Variants in RAET1G observed in about 807,000 individuals in gnomAD.
The protein encoded by RAET1G is retinoic acid early transcript 1G, also known as UL-16 binding protein 5.
RAET1G carries 25 observed loss-of-function variants against 29.5 expected under a neutral mutation model. The ratio of observed to expected loss-of-function variants is 0.85; its 90% CI spans 0.62 to 1.18. The LOEUF (loss-of-function observed/expected upper bound fraction) is 1.18. Ranked by LOEUF, RAET1G falls within the 50% of genes most tolerant of loss-of-function variation. RAET1G has a pLI of 0.00. For synonymous variants in RAET1G, 167 were observed against 159.5 expected (o/e 1.05, Z -0.36); for missense variants, 434 against 423.6 (o/e 1.02, Z -0.22).
Position 149,918,817 on chromosome 6 carries a change from G to A in RAET1G, c.631+226C>T, listed in dbSNP as rs533301050. 7.5e-5 allele frequency: 51 copies of A among 680,652 alleles called. No homozygotes were observed. In the African/African-American group the frequency reaches 9.2e-4, roughly 12 times the overall value. The allele number at this position is 680,652 out of a possible 1,614,324, so 42.2% of individuals were successfully genotyped here. On this transcript the variant is annotated intron_variant, in intron 3 of 4. Transcript: ENST00000367360. Reference sequence around the variant, plus strand: ...GAGGCTGGTGAGAAATCCACAGTGTGGGGAACAGAAGCAAGTGCAGTGAGG... The same window carrying A: ...GAGGCTGGTGAGAAATCCACAGTGTAGGGAACAGAAGCAAGTGCAGTGAGG...
chr6:149,917,828 C>T (rs1778483704), intron 4 of RAET1G, among the ~76,000 whole-genome samples: 1 of 152,150 alleles, frequency 6.6e-6, no homozygotes, highest in South Asian at 2.1e-4. Context: ...AAGAGGACTG[C>T]CCATGTCTGA....
intron 1 of RAET1G, among the ~76,000 whole-genome samples, chr6:149,920,023 T>C (rs1229312121): frequency 6.6e-6 from 1 of 152,168 alleles, no homozygotes; most frequent in African/African-American, 2.4e-5. Context: ...CCCTGCCTGC[T>C]GAGAAACCAC....
In RAET1G at chr6:149,919,146, C is replaced by T. The variant is rs200416121; in HGVS notation, c.528G>A (p.Lys176=). 3.1e-6 allele frequency: 5 copies of T among 1,614,230 alleles called. No individual in the cohort carries two copies. Among genetic ancestry groups the T allele is most frequent in the East Asian group, 4.5e-5 (2 of 44,884 alleles). The change falls in exon 3 of 5, where the codon AAG becomes AAA. Residue 176 remains lysine, a synonymous_variant. Transcript: ENST00000367360. The part of the protein sequence containing the change: ...RKMKEKWEND[K]DMTMSFHYIS... Reference sequence around the variant, plus strand: ...TGTAATGGAAGGACATGGTCATATCCTTGTCATTCTCCCACTTTTCTTTCA... The same window carrying T: ...TGTAATGGAAGGACATGGTCATATCTTTGTCATTCTCCCACTTTTCTTTCA...
chr6:149,922,876 G>GC, intron 1 of RAET1G, 50 bp downstream of exon 1: 4 of 1,357,776 alleles, frequency 2.9e-6, no homozygotes, highest in Non-Finnish European at 4.1e-6. Context: ...ACAGTCCACA[G>GC]CCCCCCACGG....
chr6:149,920,446 T>C (rs1308351746), intron 1 of RAET1G, among the ~76,000 whole-genome samples: 2 of 152,032 alleles, frequency 1.3e-5, no homozygotes, highest in Non-Finnish European at 2.9e-5. Flanking sequence ...GTGCCCAGGC[T>C]GGAGGGGTCT....
At position 149,923,080 on chromosome 6, in the gene RAET1G, T is replaced by C. The variant is rs1778634852; in HGVS notation, c.-70A>G. ...GTGGATCACCTGGCGGCTCGCAGGC[T>C]GTCTGAATGCAGCCCGTCTGAATGC... is the stretch of plus-strand genomic sequence containing the variant. On this transcript the variant is annotated 5_prime_UTR_variant, in exon 1 of 5. Transcript: ENST00000367360. 4.7e-6 allele frequency: 5 copies of C among 1,066,504 alleles called. No homozygotes were observed. Among genetic ancestry groups the C allele is most frequent in the Admixed American group, 2.2e-5 (1 of 45,406 alleles). 66.1% of individuals were successfully genotyped at this position (1,066,504 alleles called of 1,614,324 possible).
intron 3 of RAET1G, chr6:149,918,677 C>T (rs1211742159): frequency 6.7e-6 from 4 of 595,590 alleles, no homozygotes; most frequent in African/African-American, 1.9e-5. Context: ...ACGAGGCTGG[C>T]CTTGGAGGAG....
intron 1 of RAET1G, among the ~76,000 whole-genome samples, chr6:149,920,043 G>C (rs1397827542): frequency 1.3e-5 from 2 of 152,228 alleles, no homozygotes; most frequent in African/African-American, 4.8e-5. Context: ...CATGTCCCCA[G>C]ACATGTCCCA....
chr6:149,919,185 A>G lies in RAET1G; in HGVS notation c.489T>C (p.Pro163=), dbSNP rs1778531626. The change falls in exon 3 of 5, where the codon CCT becomes CCC. Residue 163 remains proline (P), a synonymous_variant. Transcript: ENST00000367360. ...ACTTTTCTTTCATCTTTCTGGCTCC[A>G]GGATGAACCGTTGTCCACATTCTGT... is the stretch of plus-strand genomic sequence containing the variant. ...SENRMWTTVH[P]GARKMKEKWE... is the part of the protein sequence containing the mutation. 3.7e-6 allele frequency: 6 copies of G among 1,614,118 alleles called. No individual in the cohort carries two copies. In the African/African-American group the frequency reaches 5.3e-5, roughly 14 times the overall value.
At chr6:149,918,058 T>C in intron 4 of RAET1G, 116 bp downstream of exon 4, 1 of 906,092 alleles carries the variant, frequency 1.1e-6, no homozygotes, top group Non-Finnish European at 1.7e-6. Flanking sequence ...TTCACCTGTC[T>C]CATGTTAGGA....
At position 149,919,327 on chromosome 6, in the gene RAET1G, G is replaced by A. The variant is rs916956109; in HGVS notation, c.350-3C>T. 1 of 1,612,268 alleles carries A rather than the reference G, an allele frequency of 6.2e-7. No homozygotes were observed. The highest frequency in any genetic ancestry group is 2.2e-5 in the East Asian group (1 of 44,860). ...CCTGGCCTGCAGGGTGAGGGGTTCTGCCCCCATCAAAGAGAGATCAGCTCT... is the reference window on the plus strand; with the variant it reads ...CCTGGCCTGCAGGGTGAGGGGTTCTACCCCCATCAAAGAGAGATCAGCTCT... On this transcript the variant is annotated splice_polypyrimidine_tract_variant and splice_region_variant and intron_variant, in intron 2 of 4. Transcript: ENST00000367360.
chr6:149,918,442 C>G, intron 3 of RAET1G, 58 bp from the exon 4 acceptor site: 11 of 1,532,630 alleles, frequency 7.2e-6, no homozygotes, highest in Non-Finnish European at 9.0e-6. Context: ...TGAGGAGATG[C>G]CTCCTCAGCT....
Position 149,918,205 on chromosome 6 carries a change from A to G in RAET1G, c.811T>C (p.Trp271Arg). Reference sequence around the variant, plus strand: ...CTCCAAAGGACTCTCCTCAGCAGCCAGGTAGGATGAAGCAGGGGAGGATGA... The same window carrying G: ...CTCCAAAGGACTCTCCTCAGCAGCCGGGTAGGATGAAGCAGGGGAGGATGA... ...PPHPPLLHPT[W>R]LLRRVLWSDS... The change falls in exon 4 of 5, where the codon TGG becomes CGG. Residue 271 changes from tryptophan to arginine, a missense_variant. Transcript: ENST00000367360. The G allele has an allele frequency of 6.2e-7, 1 of 1,614,112 alleles. No homozygotes were observed. Among genetic ancestry groups the G allele is most frequent in the Non-Finnish European group, 8.5e-7 (1 of 1,180,006 alleles).
chr6:149,920,442 A>G (rs1300206522), intron 1 of RAET1G, among the ~76,000 whole-genome samples: 6 of 152,120 alleles, frequency 3.9e-5, no homozygotes, highest in African/African-American at 1.4e-4. Context: ...AGAAGTGCCC[A>G]GGCTGGAGGG....
rs1299311547 is a variant in RAET1G at position 149,919,684 on chromosome 6, G to A, written c.218C>T (p.Pro73Leu). 1 of 1,613,854 alleles carries A rather than the reference G, an allele frequency of 6.2e-7. No homozygotes were observed. The highest frequency in any genetic ancestry group is 8.5e-7 in the Non-Finnish European group (1 of 1,179,884). Residue 73 changes from proline (P) to leucine (L), a missense_variant, in exon 2 of 5, where the codon CCC (proline) becomes CTC (leucine). Coordinates refer to ENST00000367360, the MANE Select transcript of RAET1G (RefSeq NM_001001788.4). ...TAGTTTCTTCCCCAGGGGACTGACG[G>A]GTGTGACTGTCTTGCTGCCACAGTC... ...HYDCGSKTVT[P>L]VSPLGKKLNV...
intron 4 of RAET1G, among the ~76,000 whole-genome samples, chr6:149,917,695 T>C (rs1582797066): frequency 6.6e-6 from 1 of 152,216 alleles, no homozygotes; most frequent in Non-Finnish European, 1.5e-5. Context: ...GTGCCTTCAG[T>C]CTCTTGCCTT....
chr6:149,922,128 G>A (rs1453887060), intron 1 of RAET1G, among the ~76,000 whole-genome samples: 1 of 152,232 alleles, frequency 6.6e-6, no homozygotes, highest in East Asian at 1.9e-4. Flanking sequence ...GCAGAAGTGG[G>A]TGCCTCTACT....
rs1267239255 is a variant in RAET1G at position 149,916,880 on chromosome 6, C to A, written c.*32G>T. The stretch of plus-strand genomic sequence containing the variant: ...GAAATAAAGACACAAGACAAAGAGA[C>A]GGAAGAAAAGACAGCTGGGCCCAGG... On this transcript the variant is annotated 3_prime_UTR_variant, in exon 5 of 5. Transcript: ENST00000367360. The A allele has an allele frequency of 1.1e-4, 166 of 1,466,332 alleles. No individual in the cohort carries two copies. The highest frequency in any genetic ancestry group is 1.5e-4 in the Non-Finnish European group (162 of 1,106,216). 90.8% of individuals were successfully genotyped at this position (1,466,332 alleles called of 1,614,324 possible). A position where few individuals can be genotyped will look rare whatever the true frequency, so the allele number is the denominator to read the frequency against.
intron 3 of RAET1G, chr6:149,918,801 G>A: frequency 1.6e-6 from 1 of 643,220 alleles, no homozygotes; most frequent in South Asian, 2.1e-5. Flanking sequence ...CGAGGCTGGT[G>A]AGAAATCCAC....
Sources: gnomAD v4.1 joint callset for allele counts (sites outside exome capture counted in the v4.1 genomes callset) on GRCh38, gnomAD v4.1.1 for gene constraint, MANE v1.5 for transcripts, NCBI Gene and HGNC (gene_info 2026-07-23, HGNC 2026-07-21) for gene names.